The following FRS2 variants were observed in gnomAD, a reference collection of about 807,000 sequenced individuals.
The protein encoded by FRS2 is FGFR signalling adaptor.
FRS2 carries 8 observed loss-of-function variants against 43.9 expected under a neutral mutation model. The ratio of observed to expected loss-of-function variants is 0.18; its 90% CI spans 0.11 to 0.33. The LOEUF is 0.33. Among genes scored for constraint, FRS2 ranks in the 10% least tolerant of loss-of-function variants. FRS2 has a pLI of 1.00. For synonymous variants in FRS2, 219 were observed against 220.3 expected, an observed-to-expected ratio of 0.99 and a Z score of 0.05; for missense variants, 534 against 627.6, an observed-to-expected ratio of 0.85 and a Z score of 1.59.
intron 3 of FRS2, among the ~76,000 whole-genome samples, chr12:69,560,324 A>AGT (rs1879780091): frequency 6.6e-6 from 1 of 152,170 alleles, no homozygotes; most frequent in African/African-American, 2.4e-5. Context: ...AGCTCTGTGA[A>AGT]GTGGGTGTCC....
intron 3 of FRS2, among the ~76,000 whole-genome samples, chr12:69,545,777 AACAAAAAC>A (rs1461385001): frequency 5.0e-5 from 7 of 139,852 alleles, no homozygotes; most frequent in African/African-American, 1.9e-4. Flanking sequence ...AAAAAAAAAA[AACAAAAAC>A]AAAAACCCAG....
Position 69,563,936 on chromosome 12 carries a change from A to G in FRS2, c.-27+1662A>G, listed in dbSNP as rs1355576916. Among the ~76,000 whole-genome samples the G allele has an allele frequency of 2.0e-5, 3 of 152,002 alleles. No homozygotes were observed. The South Asian group carries it at 6.2e-4, about 31-fold the overall frequency. ...TATCCCCCTCTGTCTTGATCCATCA[A>G]TTAGCCCTTCTCTTTTCTTTGTTTT... On this transcript the variant is annotated intron_variant, in intron 4 of 8. Coordinates refer to ENST00000549921, the MANE Select transcript of FRS2 (RefSeq NM_001278356.2).
At chr12:69,556,468 GAC>G (rs1324293568) in intron 3 of FRS2, among the ~76,000 whole-genome samples, 5 of 151,972 alleles carry the variant, frequency 3.3e-5, no homozygotes, top group Non-Finnish European at 2.9e-5. Flanking sequence ...GAGTAGCTGG[GAC>G]TACAGGCATG....
At chr12:69,520,920 C>T (rs1419208442) in intron 1 of FRS2, among the ~76,000 whole-genome samples, 1 of 151,776 alleles carries the variant, frequency 6.6e-6, no homozygotes, top group Non-Finnish European at 1.5e-5. Context: ...GGTGGTTGTT[C>T]CGTATAAATT....
At chr12:69,477,781 C>G (rs1592905391) in intron 1 of FRS2, among the ~76,000 whole-genome samples, 1 of 150,344 alleles carries the variant, frequency 6.7e-6, no homozygotes, top group Middle Eastern at 3.2e-3. Context: ...CGCTCTGTTG[C>G]CCAGGCTGGA....
intron 1 of FRS2, among the ~76,000 whole-genome samples, chr12:69,506,686 G>A (rs559759116): frequency 1.1e-4 from 16 of 152,006 alleles, no homozygotes; most frequent in South Asian, 4.2e-4. Flanking sequence ...TTACAATTTC[G>A]TAGTTTACTT....
At position 69,540,435 on chromosome 12, in the gene FRS2, G is replaced by A. The variant is rs776435; in HGVS notation, c.-122+8379G>A. ...CCTAAAAGAGCTAACAGTGATCAAA[G>A]TTGGAATAATTTGAAAAAGAAAATA... On this transcript the variant is annotated intron_variant, in intron 3 of 8. Transcript: ENST00000549921. Among the ~76,000 whole-genome samples the A allele has an allele frequency of 9.9e-3, 1,505 of 151,694 alleles. 30 individuals are homozygous for A. Among genetic ancestry groups the A allele is most frequent in the African/African-American group, 0.034 (1,423 of 41,422 alleles).
At chr12:69,470,866 C>T (rs910760355) in intron 1 of FRS2, among the ~76,000 whole-genome samples, 3 of 152,154 alleles carry the variant, frequency 2.0e-5, no homozygotes, top group African/African-American at 4.8e-5. Context: ...GTTTGGTATT[C>T]TGTGTCCGGC....
intron 3 of FRS2, among the ~76,000 whole-genome samples, chr12:69,548,330 A>G (rs1407016401): frequency 6.6e-6 from 1 of 152,182 alleles, no homozygotes; most frequent in Non-Finnish European, 1.5e-5. Context: ...TTGAACTTGG[A>G]TATATTTTGA....
At chr12:69,484,848 TAACAA>T (rs897270046) in intron 1 of FRS2, among the ~76,000 whole-genome samples, 2 of 152,070 alleles carry the variant, frequency 1.3e-5, no homozygotes, top group African/African-American at 4.8e-5. Flanking sequence ...AATACAAAAA[TAACAA>T]AACAACAAGA....
intron 3 of FRS2, among the ~76,000 whole-genome samples, chr12:69,538,835 A>C (rs1020925049): frequency 7.9e-5 from 12 of 152,174 alleles, no homozygotes; most frequent in Admixed American, 1.3e-4. Flanking sequence ...AATTATATTA[A>C]TCTTTCAACT....
At chr12:69,537,059 C>G (rs1249491498) in intron 3 of FRS2, among the ~76,000 whole-genome samples, 1 of 152,044 alleles carries the variant, frequency 6.6e-6, no homozygotes, top group African/African-American at 2.4e-5. Flanking sequence ...GTTGCTCTGG[C>G]TATTTTAACA....
rs1032793632 is a variant in FRS2 at position 69,571,544 on chromosome 12, A to T, written c.412+110A>T. On this transcript the variant is annotated intron_variant, in intron 7 of 8. Transcript: ENST00000549921. ...ACTAGAAATCACCACTGGATAACAG[A>T]AGTATAATGGTTGTCAGTTTTTAAA... is the stretch of plus-strand genomic sequence containing the variant. The T allele has an allele frequency of 5.6e-6, 5 of 894,098 alleles. No individual in the cohort carries two copies. The African/African-American group carries it at 8.5e-5, about 15-fold the overall frequency. The allele number at this position is 894,098 out of a possible 1,614,324, so 55.4% of individuals were successfully genotyped here.
chr12:69,536,810 C>G (rs1284171192), intron 3 of FRS2, among the ~76,000 whole-genome samples: 1 of 151,670 alleles, frequency 6.6e-6, no homozygotes, highest in Admixed American at 6.6e-5. Flanking sequence ...CTCAAGTGTT[C>G]CTACTGCCTC....
chr12:69,503,110 G>C (rs968883770), intron 1 of FRS2, among the ~76,000 whole-genome samples: 2 of 152,160 alleles, frequency 1.3e-5, no homozygotes, highest in African/African-American at 4.8e-5. Flanking sequence ...CCACTTCTAA[G>C]CTCATTCAGA....
At chr12:69,474,657 G>A (rs1014262827) in intron 1 of FRS2, among the ~76,000 whole-genome samples, 3 of 152,208 alleles carry the variant, frequency 2.0e-5, no homozygotes, top group African/African-American at 7.2e-5. Context: ...TTTCAGGGAG[G>A]ACAAACTACT....
chr12:69,572,084 C>G, intron 7 of FRS2, 34 bp from the exon 8 acceptor site: 1 of 1,582,096 alleles, frequency 6.3e-7, no homozygotes, highest in Non-Finnish European at 8.7e-7. Context: ...CTGCCCCGCC[C>G]CCCTTTTCCT....
chr12:69,509,984 C>T (rs751925326), intron 1 of FRS2, among the ~76,000 whole-genome samples: 1 of 152,072 alleles, frequency 6.6e-6, no homozygotes, highest in African/African-American at 2.4e-5. Flanking sequence ...TTTTAACAGC[C>T]ATGTTAGCTA....
chr12:69,552,430 G>A (rs151006884), intron 3 of FRS2, among the ~76,000 whole-genome samples: 4 of 151,488 alleles, frequency 2.6e-5, no homozygotes, highest in African/African-American at 9.7e-5. Flanking sequence ...CACTTTTTTG[G>A]TAGGTAGCCT....
Sources: allele counts gnomAD v4.1 joint callset (sites outside exome capture counted in the v4.1 genomes callset), GRCh38; gene constraint gnomAD v4.1.1; transcripts MANE v1.5; gene names NCBI Gene and HGNC (gene_info 2026-07-23, HGNC 2026-07-21).